RNF216: variants seen among roughly 807,000 people sequenced by gnomAD.
RNF216 encodes the protein ring finger protein 216.
In RNF216, 72 loss-of-function variants were observed where a neutral mutation model predicts 110.8. The ratio of observed to expected loss-of-function variants is 0.65; its 90% CI spans 0.54 to 0.79. RNF216 has a LOEUF of 0.79. Ranked by LOEUF, RNF216 falls within the 30% of genes least tolerant of loss-of-function variation. The pLI, the probability that RNF216 is intolerant of heterozygous loss-of-function variation, is 0.00. For synonymous variants in RNF216, 495 were observed against 407.5 expected, an observed-to-expected ratio of 1.21 and a Z score of -2.59; for missense variants, 1,342 against 1,141.2, an observed-to-expected ratio of 1.18 and a Z score of -2.54.
intron 13 of RNF216, among the ~76,000 whole-genome samples, chr7:5,689,782 C>T (rs1032456075): frequency 5.3e-5 from 8 of 151,914 alleles, no homozygotes; most frequent in Admixed American, 1.3e-4. Context: ...GGCAAAATTC[C>T]GTCTCTACTA....
chr7:5,754,128 G>A (rs1795485778), intron 2 of RNF216, among the ~76,000 whole-genome samples: 1 of 105,060 alleles, frequency 9.5e-6, no homozygotes, highest in Admixed American at 8.6e-5. Context: ...TGGTGTGTGT[G>A]TGTGTGTGTG....
intron 7 of RNF216, among the ~76,000 whole-genome samples, chr7:5,726,836 C>T (rs1479411488): frequency 2.0e-5 from 3 of 149,508 alleles, no homozygotes; most frequent in East Asian, 3.9e-4. Flanking sequence ...CCAGCCTAGG[C>T]GACAGAGCGT....
intron 9 of RNF216, among the ~76,000 whole-genome samples, chr7:5,720,348 T>C (rs1156245212): frequency 2.0e-5 from 3 of 152,232 alleles, no homozygotes; most frequent in African/African-American, 7.2e-5. Context: ...TTAATGAATA[T>C]GAAATATATT....
intron 15 of RNF216, among the ~76,000 whole-genome samples, chr7:5,631,911 T>C (rs1787096248): frequency 6.6e-6 from 1 of 152,156 alleles, no homozygotes; most frequent in African/African-American, 2.4e-5. Context: ...CTTGTACGGA[T>C]TGCTTAGCTC....
At chr7:5,729,210 T>G (rs1386476979) in intron 7 of RNF216, among the ~76,000 whole-genome samples, 1 of 152,198 alleles carries the variant, frequency 6.6e-6, no homozygotes, top group Non-Finnish European at 1.5e-5. Flanking sequence ...ACACTCCATG[T>G]TTTTACGGTC....
chr7:5,758,590 T>C (rs1288728165), intron 2 of RNF216, among the ~76,000 whole-genome samples: 1 of 152,170 alleles, frequency 6.6e-6, no homozygotes, highest in East Asian at 1.9e-4. Context: ...ATGTGAGATG[T>C]GGAGTCAAAG....
At chr7:5,654,379 C>A (rs374370298) in intron 13 of RNF216, among the ~76,000 whole-genome samples, 28 of 151,998 alleles carry the variant, frequency 1.8e-4, no homozygotes, top group African/African-American at 6.8e-4. Flanking sequence ...GGTGGGATGT[C>A]GTAAAAAGCC....
chr7:5,635,400 T>G (rs942483417), intron 15 of RNF216, among the ~76,000 whole-genome samples: 1 of 152,134 alleles, frequency 6.6e-6, no homozygotes, highest in African/African-American at 2.4e-5. Flanking sequence ...GGGCTCACTT[T>G]ACTCTTTTGT....
intron 13 of RNF216, among the ~76,000 whole-genome samples, chr7:5,683,615 G>A (rs887193820): frequency 1.3e-5 from 2 of 152,088 alleles, no homozygotes; most frequent in African/African-American, 4.8e-5. Context: ...TGCAATCCTG[G>A]CTCTACCCCT....
At chr7:5,761,333 A>G (rs1795923503) in intron 1 of RNF216, among the ~76,000 whole-genome samples, 195 bp from the exon 2 acceptor site, 1 of 152,138 alleles carries the variant, frequency 6.6e-6, no homozygotes, top group African/African-American at 2.4e-5. Flanking sequence ...TAAAATACAC[A>G]TATTAAAGAG....
chr7:5,632,428 G>C (rs73676618), intron 15 of RNF216, among the ~76,000 whole-genome samples: 1 of 152,226 alleles, frequency 6.6e-6, no homozygotes, highest in African/African-American at 2.4e-5. Flanking sequence ...CCTTTCTGAT[G>C]AGCAAGGCCA....
chr7:5,748,170 C>T (rs774621414), intron 3 of RNF216, among the ~76,000 whole-genome samples: 1 of 152,166 alleles, frequency 6.6e-6, no homozygotes, highest in Admixed American at 6.6e-5. Flanking sequence ...TTACAAACAT[C>T]GTTTTCTGAT....
At position 5,715,977 on chromosome 7, in the gene RNF216, G is replaced by A. The variant is rs550290942; in HGVS notation, c.1695+739C>T. ...AGGCTGGTCTCAAACCCCTGACCTC[G>A]TGATGTGCCTGCCTTGGCCTTCCGA... On this transcript the variant is annotated intron_variant, in intron 10 of 16. Transcript: ENST00000389902. 5.3e-5 allele frequency among the ~76,000 whole-genome samples: 8 copies of A among 152,152 alleles called. No individual in the cohort carries two copies. In the East Asian group the frequency reaches 1.5e-3, roughly 29 times the overall value.
intron 1 of RNF216, among the ~76,000 whole-genome samples, chr7:5,781,233 C>A (rs1032484465): frequency 6.6e-6 from 1 of 152,138 alleles, no homozygotes; most frequent in Non-Finnish European, 1.5e-5. Context: ...GTCTCCCGGG[C>A]TGTTGCCCTC....
chr7:5,673,054 G>A (rs541612676), intron 13 of RNF216, among the ~76,000 whole-genome samples: 4 of 152,212 alleles, frequency 2.6e-5, no homozygotes, highest in East Asian at 1.9e-4. Context: ...TCTCTCCATC[G>A]ACTCAGGGTG....
At position 5,712,775 on chromosome 7, in the gene RNF216, T is replaced by G. The variant is rs746682653; in HGVS notation, c.1922A>C (p.Lys641Thr). The G allele has an allele frequency of 6.2e-7, 1 of 1,614,066 alleles. No homozygotes were observed. Reference protein sequence around the residue: ...EKVLPQTILYKYYERKAEEEV... With the variant: ...EKVLPQTILYTYYERKAEEEV... ...CTCCTCGGCTTTTCGCTCATAGTACTTATACAGGATGGTCTGGGGGAGCAC... is the reference window on the plus strand; with the variant it reads ...CTCCTCGGCTTTTCGCTCATAGTACGTATACAGGATGGTCTGGGGGAGCAC... Residue 641 changes from lysine (K) to threonine (T), a missense_variant, in exon 12 of 17, where the codon AAG becomes ACG. By Grantham distance (78) the Lys-to-Thr change is moderately conservative. Transcript: ENST00000389902.
rs562998420 is a variant in RNF216, at chr7:5,739,126, G to A, written c.1121+150C>T. 8.3e-5 allele frequency: 78 copies of A among 936,774 alleles called. No homozygotes were observed. In the South Asian group the frequency reaches 1.7e-3, roughly 20 times the overall value. The allele number at this position is 936,774 out of a possible 1,614,324, so 58.0% of individuals were successfully genotyped here. A position where few individuals can be genotyped will look rare whatever the true frequency, so the allele number is the denominator to read the frequency against. ...TTTGAGAAGATGAAAGAGTTCTGAA[G>A]ATGGATGGTGGTGATAGTTGCATAA... On this transcript the variant is annotated intron_variant, in intron 5 of 16. Transcript: ENST00000389902.
intron 8 of RNF216, among the ~76,000 whole-genome samples, chr7:5,722,369 G>GTTTTTTTTTTTTTTTTTTTTTT (rs36102190): frequency 7.0e-6 from 1 of 143,606 alleles, no homozygotes. Flanking sequence ...TCATTCTCAT[G>GTTTTTTTTTTTTTTTTTTTTTT]TTTTTTTTTT....
chr7:5,771,972 G>A (rs542819412), intron 1 of RNF216, among the ~76,000 whole-genome samples: 68 of 152,294 alleles, frequency 4.5e-4, no homozygotes, highest in Non-Finnish European at 8.8e-4. Context: ...GGTGGCTCAC[G>A]CCTGTAATCC....
Sources: allele counts gnomAD v4.1 joint callset (sites outside exome capture counted in the v4.1 genomes callset), GRCh38; gene constraint gnomAD v4.1.1; transcripts MANE v1.5; gene names NCBI Gene and HGNC (gene_info 2026-07-23, HGNC 2026-07-21).